VANGL2: variants seen among roughly 807,000 people sequenced by gnomAD.
VANGL2 encodes the protein vang-like protein 2.
In VANGL2, 14 loss-of-function variants were observed where a neutral mutation model predicts 50.2. That is an observed-to-expected ratio of 0.28 (90% confidence interval 0.18 to 0.44). The LOEUF (loss-of-function observed/expected upper bound fraction) is 0.44, where lower values mean the gene tolerates loss of function less well. Ranked by LOEUF, VANGL2 falls within the 20% of genes least tolerant of loss-of-function variation. The pLI, the probability that VANGL2 is intolerant of heterozygous loss-of-function variation, is 1.00. For missense variants in VANGL2, 533 were observed against 701.5 expected, an observed-to-expected ratio of 0.76 and a Z score of 2.71; for synonymous variants, 295 against 297.2, an observed-to-expected ratio of 0.99 and a Z score of 0.08.
Position 160,419,021 on chromosome 1 carries a change from C to T in VANGL2, c.212C>T (p.Thr71Met), listed in dbSNP as rs1187648191. The T allele has an allele frequency of 2.5e-6, 4 of 1,606,964 alleles. No homozygotes were observed. Among genetic ancestry groups the T allele is most frequent in the Non-Finnish European group, 8.5e-7 (1 of 1,174,806 alleles). Reference sequence around the variant, plus strand: ...CTGTAGGATGACAACTGGGGGGAAACGACGACAGTAGTAACGGGCACCTCA... The same window carrying T: ...CTGTAGGATGACAACTGGGGGGAAATGACGACAGTAGTAACGGGCACCTCA... ...GDERDDNWGE[T>M]TTVVTGTSEH... The change falls in exon 4 of 8, where the codon ACG (threonine) becomes ATG (methionine). Residue 71 changes from threonine (T) to methionine (M), a missense_variant. By Grantham distance (81) the Thr-to-Met change is moderately conservative. Coordinates refer to ENST00000368061, the MANE Select transcript of VANGL2 (RefSeq NM_020335.3). The surrounding 1 kb of genome is among the most constrained non-coding windows in gnomAD (Gnocchi z 5.8).
intron 1 of VANGL2, among the ~76,000 whole-genome samples, chr1:160,404,826 G>T (rs1425095601): frequency 6.6e-6 from 1 of 152,210 alleles, no homozygotes; most frequent in Non-Finnish European, 1.5e-5. Flanking sequence ...AGGCCAACAG[G>T]AAGGGTCTTA....
rs1199572734 is a variant in VANGL2, at chr1:160,425,169, G to A, written c.1357G>A (p.Glu453Lys). The A allele has an allele frequency of 6.2e-7, 1 of 1,614,026 alleles. No homozygotes were observed. The highest frequency in any genetic ancestry group is 1.7e-5 in the Admixed American group (1 of 60,002). ...TGGACCTACCATCCAGTACCACAAG[G>A]AACGCTGGCTGGCCAAACAGTGGAC... ...AAGPTIQYHK[E>K]RWLAKQWTLV... The change falls in exon 8 of 8, where the codon GAA (glutamate) becomes AAA (lysine). Residue 453 changes from glutamate (E) to lysine (K), a missense_variant. Physicochemically the swap from Glu to Lys is moderately conservative, Grantham distance 56. Coordinates refer to ENST00000368061, the MANE Select transcript of VANGL2 (RefSeq NM_020335.3).
chr1:160,401,762 C>T (rs1326052584), intron 1 of VANGL2, among the ~76,000 whole-genome samples: 1 of 151,666 alleles, frequency 6.6e-6, no homozygotes, highest in Non-Finnish European at 1.5e-5. Flanking sequence ...GAGAGGGGTT[C>T]ACGGGAAAGA....
At chr1:160,409,767 C>T (rs1033288866) in intron 1 of VANGL2, among the ~76,000 whole-genome samples, 10 of 152,198 alleles carry the variant, frequency 6.6e-5, no homozygotes, top group African/African-American at 1.7e-4. Flanking sequence ...TGAGCTAGCA[C>T]GGAGAGCTAG....
At chr1:160,402,576 T>A (rs1161543516) in intron 1 of VANGL2, among the ~76,000 whole-genome samples, 1 of 152,074 alleles carries the variant, frequency 6.6e-6, no homozygotes, top group South Asian at 2.1e-4. Context: ...GTCTGTGTGG[T>A]TTATCAGACC....
At chr1:160,423,959 C>A in intron 6 of VANGL2, 93 bp from the exon 7 acceptor site, 1 of 1,398,510 alleles carries the variant, frequency 7.2e-7, no homozygotes, top group South Asian at 1.2e-5. Context: ...GGCCTGACCT[C>A]ATTCAGGCTG....
chr1:160,410,576 G>A (rs1489731962), intron 1 of VANGL2, among the ~76,000 whole-genome samples: 1 of 152,074 alleles, frequency 6.6e-6, no homozygotes, highest in Non-Finnish European at 1.5e-5. Flanking sequence ...TGGCGTTTGT[G>A]TTCAACGCCT....
chr1:160,407,646 G>A (rs563225495), intron 1 of VANGL2, among the ~76,000 whole-genome samples: 3 of 152,292 alleles, frequency 2.0e-5, no homozygotes, highest in East Asian at 3.9e-4. Flanking sequence ...GGCCTACCTC[G>A]AGCAGCAGGC....
At chr1:160,421,225 T>C in intron 6 of VANGL2, 38 bp downstream of exon 6, 6 of 1,608,678 alleles carry the variant, frequency 3.7e-6, no homozygotes, top group Non-Finnish European at 4.2e-6. Flanking sequence ...GAGGTGCTTG[T>C]TGGGTGAATG....
intron 1 of VANGL2, among the ~76,000 whole-genome samples, chr1:160,405,393 C>T (rs1650618666): frequency 6.6e-6 from 1 of 152,158 alleles, no homozygotes; most frequent in African/African-American, 2.4e-5. Context: ...CTGGATAGAA[C>T]TGTGGTGGGC....
In VANGL2 at chr1:160,425,568, C is replaced by A; in HGVS notation, c.*190C>A. ...TTTACCCCATGTGAACCTGGAGAGACCATCCTGCTGTCAACAGTACCTGGG... is the reference window on the plus strand; with the variant it reads ...TTTACCCCATGTGAACCTGGAGAGAACATCCTGCTGTCAACAGTACCTGGG... On this transcript the variant is annotated 3_prime_UTR_variant, in exon 8 of 8. Coordinates refer to ENST00000368061, the MANE Select transcript of VANGL2 (RefSeq NM_020335.3). The A allele has an allele frequency of 1.6e-6, 1 of 631,208 alleles. No homozygotes were observed. The highest frequency in any genetic ancestry group is 2.1e-5 in the South Asian group (1 of 48,052). 39.1% of individuals were successfully genotyped at this position (631,208 alleles called of 1,614,324 possible).
rs754094452 is a variant in VANGL2 at position 160,421,181 on chromosome 1, G to T, written c.1067G>T (p.Arg356Met). The T allele has an allele frequency of 1.2e-6, 2 of 1,613,216 alleles. No homozygotes were observed. Among genetic ancestry groups the T allele is most frequent in the African/African-American group, 2.7e-5 (2 of 74,898 alleles). The change falls in exon 6 of 8, where the codon AGG becomes ATG. Residue 356 changes from arginine to methionine, a missense_variant. Transcript: ENST00000368061. ...CATGAGCGAAGGGTGCGCAAGAGGA[G>T]GGCCAGGTGGGTCCCTGGGGGAGAA... ...AEHERRVRKRRARLVVAVEEA... is the reference protein window; with the variant it reads ...AEHERRVRKRMARLVVAVEEA...
chr1:160,424,419 A>G, intron 7 of VANGL2, 136 bp downstream of exon 7: 2 of 922,988 alleles, frequency 2.2e-6, no homozygotes, highest in African/African-American at 1.6e-5. Context: ...CCTTTTTATA[A>G]TCTTCTCTCT....
chr1:160,425,496 T>TA lies in VANGL2; in HGVS notation c.*119dup, dbSNP rs397787256. 2.9e-6 allele frequency: 3 copies of TA among 1,037,090 alleles called. No homozygotes were observed. The highest frequency in any genetic ancestry group is 3.2e-5 in the African/African-American group (2 of 62,112). 64.2% of individuals were successfully genotyped at this position (1,037,090 alleles called of 1,614,324 possible). On this transcript the variant is annotated 3_prime_UTR_variant, in exon 8 of 8. Transcript: ENST00000368061. ...CTTCTTCTTCTTGCTCTTTTTTTTT[T>TA]ACTTGAATTAACGCACCCCCACCTT...
In VANGL2 at chr1:160,425,491, T is replaced by A; in HGVS notation, c.*113T>A. ...CCACCCTTCTTCTTCTTGCTCTTTTTTTTTTACTTGAATTAACGCACCCCC... is the reference window on the plus strand; with the variant it reads ...CCACCCTTCTTCTTCTTGCTCTTTTATTTTTACTTGAATTAACGCACCCCC... On this transcript the variant is annotated 3_prime_UTR_variant, in exon 8 of 8. Transcript: ENST00000368061. 9.1e-7 allele frequency: 1 copy of A among 1,095,988 alleles called. No individual in the cohort carries two copies. The highest frequency in any genetic ancestry group is 1.7e-5 in the South Asian group (1 of 60,098). The allele number at this position is 1,095,988 out of a possible 1,614,324, so 67.9% of individuals were successfully genotyped here.
intron 1 of VANGL2, among the ~76,000 whole-genome samples, chr1:160,413,309 C>G (rs11265390): frequency 0.28 from 41,563 of 149,020 alleles, 6,215 homozygotes; most frequent in Non-Finnish European, 0.34. Flanking sequence ...GAGACGGAGT[C>G]TCGTTCTGTC....
intron 1 of VANGL2, among the ~76,000 whole-genome samples, chr1:160,404,191 G>T (rs1379016323): frequency 2.0e-5 from 3 of 152,288 alleles, no homozygotes; most frequent in African/African-American, 7.2e-5. Flanking sequence ...TCTCCTATCT[G>T]CCAGGCACAG....
At chr1:160,409,828 C>A (rs1382587798) in intron 1 of VANGL2, among the ~76,000 whole-genome samples, 1 of 152,180 alleles carries the variant, frequency 6.6e-6, no homozygotes, top group Non-Finnish European at 1.5e-5. Flanking sequence ...GTTCTTGCCA[C>A]CTCCATGGCT....
At chr1:160,409,415 T>G (rs1650798450) in intron 1 of VANGL2, among the ~76,000 whole-genome samples, 1 of 151,194 alleles carries the variant, frequency 6.6e-6, no homozygotes, top group Non-Finnish European at 1.5e-5. Flanking sequence ...GAGAAGAGGG[T>G]GGTTCAGCCA....
Sources: gnomAD v4.1 joint callset for allele counts (sites outside exome capture counted in the v4.1 genomes callset) on GRCh38, gnomAD v4.1.1 for gene constraint, Gnocchi (gnomAD v3.1) non-coding constraint, MANE v1.5 for transcripts, NCBI Gene and HGNC (gene_info 2026-07-23, HGNC 2026-07-21) for gene names.